The following WDR70 variants were observed in gnomAD, a reference collection of about 807,000 sequenced individuals.
WDR70 encodes WD repeat-containing protein 70.
Under a neutral mutation model 88.6 loss-of-function variants are expected in WDR70, and 53 were observed. That is an observed-to-expected ratio of 0.60 (90% CI 0.48 to 0.75). WDR70 has a LOEUF of 0.75. Among genes scored for constraint, WDR70 ranks in the 30% least tolerant of loss-of-function variants. The probability of loss-of-function intolerance (pLI) is 0.00; values close to 1 mark genes in which losing one functional copy is unlikely to be tolerated. For synonymous variants in WDR70, 280 were observed against 270.0 expected (o/e 1.04, Z -0.36); for missense variants, 610 against 823.2 (o/e 0.74, Z 3.17).
chr5:37,557,634 A>G lies in WDR70; in HGVS notation c.917+41044A>G, dbSNP rs916384369. Among the ~76,000 whole-genome samples, 6 of 152,104 alleles carry G rather than the reference A, an allele frequency of 3.9e-5. No homozygotes were observed. The East Asian group carries it at 7.8e-4, about 20-fold the overall frequency. The stretch of plus-strand genomic sequence containing the variant: ...CTTTTGGCAAGGGGTGGGAGGTACT[A>G]TAGACTTAGTGGTAAGAGGAGTTAA... On this transcript the variant is annotated intron_variant, in intron 9 of 17. Transcript: ENST00000265107.
rs533443365 is a variant in WDR70 at position 37,526,003 on chromosome 5, C to A, written c.917+9413C>A. Among the ~76,000 whole-genome samples the A allele has an allele frequency of 2.0e-5, 3 of 152,238 alleles. No homozygotes were observed. The South Asian group carries it at 6.2e-4, about 32-fold the overall frequency. On this transcript the variant is annotated intron_variant, in intron 9 of 17. Transcript: ENST00000265107. The stretch of plus-strand genomic sequence containing the variant: ...GAGGAAATAATTAGTAGCCTACCAA[C>A]CAAAAGAAGTCCAGGACCAGATGGA...
intron 3 of WDR70, among the ~76,000 whole-genome samples, chr5:37,383,804 C>G (rs1293491363): frequency 1.3e-5 from 2 of 150,626 alleles, no homozygotes; most frequent in African/African-American, 4.9e-5. Context: ...AGGATGGTCT[C>G]GATCTCCTGA....
chr5:37,454,672 A>C (rs527721367), intron 7 of WDR70, among the ~76,000 whole-genome samples: 1 of 152,332 alleles, frequency 6.6e-6, no homozygotes, highest in South Asian at 2.1e-4. Context: ...TTGTGCCATA[A>C]CTATCAGTTT....
rs147288880 is a variant in WDR70 at position 37,538,567 on chromosome 5, G to A, written c.917+21977G>A. ...AGCTAGCACTCATTGTTTTGTTCTG[G>A]CCTCATGTATACTAAGTTAAATTGT... On this transcript the variant is annotated intron_variant, in intron 9 of 17. Transcript: ENST00000265107. Among the ~76,000 whole-genome samples, 89 of 152,232 alleles carry A rather than the reference G, an allele frequency of 5.8e-4. 1 individual carries two copies. Among genetic ancestry groups the A allele is most frequent in the African/African-American group, 2.1e-3 (87 of 41,538 alleles).
intron 17 of WDR70, among the ~76,000 whole-genome samples, chr5:37,733,622 T>C (rs1382253727): frequency 6.6e-6 from 1 of 152,094 alleles, no homozygotes; most frequent in African/African-American, 2.4e-5. Flanking sequence ...TTCATTGTTG[T>C]AGCGCTGCCT....
chr5:37,589,560 T>A (rs1743467747), intron 9 of WDR70, among the ~76,000 whole-genome samples: 1 of 152,024 alleles, frequency 6.6e-6, no homozygotes, highest in Non-Finnish European at 1.5e-5. Flanking sequence ...CCAAACTGAT[T>A]TTTCTTGCTG....
intron 5 of WDR70, among the ~76,000 whole-genome samples, chr5:37,409,017 C>T (rs1364222770): frequency 6.6e-6 from 1 of 152,078 alleles, no homozygotes; most frequent in Non-Finnish European, 1.5e-5. Context: ...TGGCTCGCTG[C>T]AACCTCCGCC....
intron 14 of WDR70, 183 bp from the exon 15 acceptor site, chr5:37,722,672 T>C: frequency 1.7e-6 from 1 of 593,738 alleles, no homozygotes; most frequent in Admixed American, 2.9e-5. Flanking sequence ...CAGACTTGCT[T>C]TTCCATAAGT....
intron 10 of WDR70, among the ~76,000 whole-genome samples, chr5:37,617,073 C>A (rs1056607974): frequency 3.9e-5 from 6 of 152,126 alleles, no homozygotes; most frequent in Non-Finnish European, 8.8e-5. Context: ...TTACTTTGTT[C>A]CAGGGACCAT....
intron 17 of WDR70, among the ~76,000 whole-genome samples, chr5:37,748,963 G>T (rs1348369172): frequency 6.6e-6 from 1 of 152,222 alleles, no homozygotes; most frequent in Non-Finnish European, 1.5e-5. Flanking sequence ...AACAATAGAT[G>T]CTGGCAAGGC....
intron 9 of WDR70, among the ~76,000 whole-genome samples, chr5:37,534,903 T>G (rs778875386): frequency 6.6e-6 from 1 of 152,170 alleles, no homozygotes; most frequent in Non-Finnish European, 1.5e-5. Flanking sequence ...TCAGATGGTT[T>G]GCTGTTTGGT....
At chr5:37,526,366 G>A (rs753728458) in intron 9 of WDR70, among the ~76,000 whole-genome samples, 3 of 152,044 alleles carry the variant, frequency 2.0e-5, no homozygotes, top group Non-Finnish European at 2.9e-5. Flanking sequence ...CATATAAACA[G>A]AACCAAAGAA....
chr5:37,385,786 C>A (rs928096741), intron 3 of WDR70, among the ~76,000 whole-genome samples: 31 of 150,196 alleles, frequency 2.1e-4, no homozygotes, highest in Non-Finnish European at 4.0e-4. Flanking sequence ...GTGGCAGGAA[C>A]CTGAAACAAA....
chr5:37,614,974 G>A (rs1365712426), intron 10 of WDR70, among the ~76,000 whole-genome samples: 1 of 151,910 alleles, frequency 6.6e-6, no homozygotes, highest in Non-Finnish European at 1.5e-5. Flanking sequence ...ATAGAGACTA[G>A]TACAACCAAG....
chr5:37,426,695 A>T (rs1399932794), intron 5 of WDR70, among the ~76,000 whole-genome samples: 1 of 152,146 alleles, frequency 6.6e-6, no homozygotes, highest in African/African-American at 2.4e-5. Flanking sequence ...AGAAGACAAC[A>T]AGGGTGTGAA....
chr5:37,579,369 A>T (rs2112421980), intron 9 of WDR70, among the ~76,000 whole-genome samples: 1 of 152,154 alleles, frequency 6.6e-6, no homozygotes, highest in Middle Eastern at 3.4e-3. Flanking sequence ...GTGGATCATG[A>T]GGTCAAGAGA....
chr5:37,637,636 C>T (rs1259061550), intron 10 of WDR70, among the ~76,000 whole-genome samples: 2 of 152,122 alleles, frequency 1.3e-5, no homozygotes, highest in African/African-American at 4.8e-5. Context: ...TAAGAACATG[C>T]ACAGGGAGCA....
intron 2 of WDR70, 43 bp downstream of exon 2, chr5:37,379,597 G>C (rs780128060): frequency 6.2e-7 from 1 of 1,607,920 alleles, no homozygotes; most frequent in Admixed American, 1.7e-5. Flanking sequence ...CTTGTGCAGA[G>C]GTTTGAAGAT....
chr5:37,401,688 G>A (rs567801486), intron 5 of WDR70, among the ~76,000 whole-genome samples: 2 of 152,208 alleles, frequency 1.3e-5, no homozygotes, highest in Admixed American at 6.5e-5. Flanking sequence ...TCTCACCTGG[G>A]CTCAAGCCAT....
Sources: gnomAD v4.1 joint callset for allele counts (sites outside exome capture counted in the v4.1 genomes callset) on GRCh38, gnomAD v4.1.1 for gene constraint, MANE v1.5 for transcripts, NCBI Gene and HGNC (gene_info 2026-07-23, HGNC 2026-07-21) for gene names.